The following PDS5A variants were observed in gnomAD, a reference collection of about 807,000 sequenced individuals.
PDS5A encodes PDS5 cohesin associated factor A, also known as sister chromatid cohesion protein PDS5 homolog A.
A neutral mutation model predicts 167.1 loss-of-function variants in PDS5A; 42 were observed. That is an observed-to-expected ratio of 0.25 (90% CI 0.20 to 0.33). The LOEUF (loss-of-function observed/expected upper bound fraction) is 0.33. Ranked by LOEUF, PDS5A falls within the 10% of genes least tolerant of loss-of-function variation. The pLI is 1.00. For synonymous variants in PDS5A, 553 were observed against 554.6 expected (o/e 1.00, Z 0.04); for missense variants, 1,033 against 1,605.9 (o/e 0.64, Z 6.10).
At chr4:39,957,611 C>T (rs866848153) in intron 2 of PDS5A, among the ~76,000 whole-genome samples, 6 of 151,946 alleles carry the variant, frequency 3.9e-5, no homozygotes, top group South Asian at 4.2e-4. Context: ...CGGTGAAACC[C>T]CATCTCTACT....
At chr4:39,924,226 C>G (rs1397688567) in intron 5 of PDS5A, among the ~76,000 whole-genome samples, 1 of 152,158 alleles carries the variant, frequency 6.6e-6, no homozygotes, top group Admixed American at 6.5e-5. Flanking sequence ...ATCCTGCCAA[C>G]TGACTACAAA....
At position 39,862,974 on chromosome 4, in the gene PDS5A, A is replaced by T; in HGVS notation, c.2866T>A (p.Cys956Ser). ...PLEYMAIFAL[C>S]AKDPVKERRA... The stretch of plus-strand genomic sequence containing the variant: ...CTCTCCTTCACAGGATCTTTGGCAC[A>T]CAAGGCAAAGATCGCCATATACTCC... Residue 956 changes from cysteine (C) to serine (S), a missense_variant, in exon 25 of 33, where the codon TGT becomes AGT. By Grantham distance (112) the Cys-to-Ser change is moderately radical. Coordinates refer to ENST00000303538, the MANE Select transcript of PDS5A (RefSeq NM_001100399.2). 6.2e-7 allele frequency: 1 copy of T among 1,612,908 alleles called. No individual in the cohort carries two copies. The highest frequency in any genetic ancestry group is 8.5e-7 in the Non-Finnish European group (1 of 1,178,960).
intron 2 of PDS5A, among the ~76,000 whole-genome samples, chr4:39,946,388 G>T (rs747626289): frequency 4.0e-5 from 6 of 151,898 alleles, no homozygotes; most frequent in Admixed American, 1.3e-4. Flanking sequence ...CGGGTGGTGG[G>T]AAAAAGCAGA....
intron 2 of PDS5A, among the ~76,000 whole-genome samples, chr4:39,935,201 G>A (rs991087009): frequency 6.6e-6 from 1 of 152,080 alleles, no homozygotes; most frequent in African/African-American, 2.4e-5. Context: ...GCACAATCTC[G>A]GCTCAATGCA....
intron 2 of PDS5A, among the ~76,000 whole-genome samples, chr4:39,966,701 A>G (rs1729995526): frequency 6.6e-6 from 1 of 152,176 alleles, no homozygotes; most frequent in Non-Finnish European, 1.5e-5. Flanking sequence ...AGAGGAATAT[A>G]AGAAACAAAT....
At chr4:39,903,610 C>T (rs1382223079) in intron 12 of PDS5A, among the ~76,000 whole-genome samples, 3 of 152,180 alleles carry the variant, frequency 2.0e-5, no homozygotes, top group Non-Finnish European at 2.9e-5. Flanking sequence ...TGCTCTCTTG[C>T]CACACATTGG....
At chr4:39,919,368 G>A (rs1280479355) in intron 7 of PDS5A, among the ~76,000 whole-genome samples, 2 of 152,100 alleles carry the variant, frequency 1.3e-5, no homozygotes, top group Admixed American at 6.6e-5. Flanking sequence ...TAAAATAGCC[G>A]GGTGCGGTGG....
chr4:39,904,261 G>A, intron 11 of PDS5A, 70 bp from the exon 12 acceptor site: 1 of 1,068,976 alleles, frequency 9.4e-7, no homozygotes, highest in African/African-American at 1.6e-5. Flanking sequence ...AGACTGCCTT[G>A]GCTTCATTAG....
intron 26 of PDS5A, among the ~76,000 whole-genome samples, chr4:39,852,707 G>A (rs1250956906): frequency 6.6e-6 from 1 of 152,022 alleles, no homozygotes; most frequent in African/African-American, 2.4e-5. Context: ...TTACTCCTAG[G>A]AAGCTTGTGC....
At chr4:39,944,178 CAAA>C (rs60344531) in intron 2 of PDS5A, among the ~76,000 whole-genome samples, 15 of 88,234 alleles carry the variant, frequency 1.7e-4, no homozygotes, top group East Asian at 9.4e-4. Flanking sequence ...GACTCCGTCT[CAAA>C]AAAAAAAAAA....
Position 39,898,516 on chromosome 4 carries a change from T to C in PDS5A, c.1643A>G (p.Asp548Gly). 2 of 1,558,332 alleles carry C rather than the reference T, an allele frequency of 1.3e-6. No homozygotes were observed. Among genetic ancestry groups the C allele is most frequent in the South Asian group, 1.2e-5 (1 of 80,506 alleles). Residue 548 changes from aspartate (D) to glycine (G), a missense_variant, in exon 16 of 33, where the codon GAC (aspartate) becomes GGC (glycine). Asp to Gly is a moderately conservative substitution (Grantham distance 94). Around this residue, in one of 4 missense-constraint regions of PDS5A, gnomAD observed 367 missense variants for 686.7 expected, o/e 0.53. Transcript: ENST00000303538. ...KLMTIAKNLP[D>G]PGKAQDFVKK... ...CACAAAATCTTGTGCTTTCCCGGGG[T>C]CAGGCAAATTCTCTATAAAATTAAA...
chr4:39,867,774 A>ACACACACACACCCC (rs369419469), intron 22 of PDS5A, among the ~76,000 whole-genome samples: 1 of 108,524 alleles, frequency 9.2e-6, no homozygotes, highest in East Asian at 2.4e-4. Context: ...ACACACACAC[A>ACACACACACACCCC]CCCCACAACT....
In PDS5A at chr4:39,925,819, CT is replaced by C; in HGVS notation, c.527+16del. On this transcript the variant is annotated intron_variant, in intron 5 of 32. Coordinates refer to ENST00000303538, the MANE Select transcript of PDS5A (RefSeq NM_001100399.2). ...CAAGAAAAAGAGACAAACAGAAATGCTTAAAAAATAACTTACTTGATCACTG... is the reference window on the plus strand; with the variant it reads ...CAAGAAAAAGAGACAAACAGAAATGCTAAAAAATAACTTACTTGATCACTG... 9.8e-7 allele frequency: 1 copy of C among 1,017,682 alleles called. No homozygotes were observed. 63.0% of individuals were successfully genotyped at this position (1,017,682 alleles called of 1,614,324 possible).
chr4:39,830,752 T>TG (rs1715785962), intron 32 of PDS5A, among the ~76,000 whole-genome samples: 1 of 152,110 alleles, frequency 6.6e-6, no homozygotes, highest in Admixed American at 6.5e-5. Flanking sequence ...ACCCCAGTCT[T>TG]GTTCTTGGCA....
At chr4:39,973,583 T>C (rs776472452) in intron 2 of PDS5A, 2 of 1,283,960 alleles carry the variant, frequency 1.6e-6, no homozygotes, top group Non-Finnish European at 2.3e-6. Context: ...AGCAAAGGGT[T>C]TGGTTTCGTA....
chr4:39,867,816 G>C (rs1719684667), intron 22 of PDS5A, among the ~76,000 whole-genome samples: 1 of 151,516 alleles, frequency 6.6e-6, no homozygotes. Context: ...AATAACTTGA[G>C]AGTTTCAGTT....
At chr4:39,833,745 C>G (rs922828643) in intron 32 of PDS5A, among the ~76,000 whole-genome samples, 21 of 152,074 alleles carry the variant, frequency 1.4e-4, no homozygotes, top group African/African-American at 4.6e-4. Context: ...CCCTCCACAT[C>G]AATTTACGGG....
chr4:39,862,357 A>G (rs1578625686), intron 25 of PDS5A, 24 bp from the exon 26 acceptor site: 5 of 1,146,354 alleles, frequency 4.4e-6, no homozygotes, highest in Non-Finnish European at 5.1e-6. Context: ...ATTATTAAAA[A>G]CAACCTTTAT....
intron 8 of PDS5A, among the ~76,000 whole-genome samples, chr4:39,914,666 TTC>T (rs1287120314): frequency 6.6e-6 from 1 of 152,226 alleles, no homozygotes; most frequent in African/African-American, 2.4e-5. Flanking sequence ...GCGATAAAAA[TTC>T]TGTTCCAGTT....
Sources: gnomAD v4.1 joint callset for allele counts (sites outside exome capture counted in the v4.1 genomes callset) on GRCh38, gnomAD v4.1.1 for gene constraint, gnomAD v4.1.1 regional missense constraint, MANE v1.5 for transcripts, NCBI Gene and HGNC (gene_info 2026-07-23, HGNC 2026-07-21) for gene names.